Variants in TTC7A observed in about 807,000 individuals in gnomAD.
The protein encoded by TTC7A is tetratricopeptide repeat domain 7A.
Under a neutral mutation model 103.7 loss-of-function variants are expected in TTC7A, and 110 were observed. The observed-to-expected ratio is 1.06, with a 90% confidence interval of 0.91 to 1.24. The LOEUF is 1.24. TTC7A is among the 50% of genes most tolerant of loss of function. The pLI is 0.00. For synonymous variants in TTC7A, 521 were observed against 467.9 expected, an observed-to-expected ratio of 1.11 and a Z score of -1.47; for missense variants, 1,340 against 1,116.3, an observed-to-expected ratio of 1.20 and a Z score of -2.86.
intron 2 of TTC7A, among the ~76,000 whole-genome samples, chr2:46,928,470 A>C (rs1320569128): frequency 1.3e-5 from 2 of 151,070 alleles, no homozygotes; most frequent in South Asian, 2.1e-4. Context: ...AAAAAAAAAA[A>C]AAAAAAAAAA....
chr2:46,958,662 T>C, intron 3 of TTC7A: 1 of 698,040 alleles, frequency 1.4e-6, no homozygotes. Context: ...TCTCTGCCTG[T>C]CCTCCTCCCT....
chr2:46,973,127 G>A (rs1225316650), intron 3 of TTC7A, among the ~76,000 whole-genome samples: 1 of 152,174 alleles, frequency 6.6e-6, no homozygotes, highest in African/African-American at 2.4e-5. Flanking sequence ...AGGGGACAAA[G>A]ACCTTGTTGC....
At position 46,917,979 on chromosome 2, in the gene TTC7A, C is replaced by T. The variant is rs549832913; in HGVS notation, c.82+702C>T. 2.1e-4 allele frequency among the ~76,000 whole-genome samples: 32 copies of T among 152,304 alleles called. 1 individual carries two copies. In the South Asian group the frequency reaches 4.2e-3, roughly 20 times the overall value. ...TGTTCTGAGTCACCTTCTCTATCCACCCTCCCTATGTGAGTTTACCTAGTC... is the reference window on the plus strand; with the variant it reads ...TGTTCTGAGTCACCTTCTCTATCCATCCTCCCTATGTGAGTTTACCTAGTC... On this transcript the variant is annotated intron_variant, in intron 2 of 20. Transcript: ENST00000409245.
chr2:46,932,503 G>A (rs75746466), intron 2 of TTC7A, among the ~76,000 whole-genome samples: 15,051 of 152,086 alleles, frequency 0.099, 822 homozygotes, highest in Middle Eastern at 0.12. Context: ...GCTGTATAAT[G>A]ATTACATCTA....
At chr2:47,014,825 G>T (rs951691573) in intron 11 of TTC7A, among the ~76,000 whole-genome samples, 1 of 152,274 alleles carries the variant, frequency 6.6e-6, no homozygotes, top group African/African-American at 2.4e-5. Flanking sequence ...AACGAGTTGT[G>T]CTGGGTGAAG....
intron 3 of TTC7A, among the ~76,000 whole-genome samples, chr2:46,968,138 A>T (rs1318684461): frequency 6.6e-6 from 1 of 152,228 alleles, no homozygotes; most frequent in Non-Finnish European, 1.5e-5. Context: ...ATTCAGACTG[A>T]AGGAGTTGGG....
intron 19 of TTC7A, among the ~76,000 whole-genome samples, chr2:47,063,521 T>C (rs540228410): frequency 2.0e-5 from 3 of 152,332 alleles, no homozygotes; most frequent in African/African-American, 7.2e-5. Flanking sequence ...AAGGGATTCA[T>C]TGTAAAAATA....
At chr2:46,987,701 C>T (rs1273571807) in intron 5 of TTC7A, among the ~76,000 whole-genome samples, 8 of 152,222 alleles carry the variant, frequency 5.3e-5, no homozygotes, top group Non-Finnish European at 1.0e-4. Flanking sequence ...CATGTGCTCA[C>T]TGCACCAAAA....
At chr2:47,001,520 G>T (rs755077747) in intron 8 of TTC7A, among the ~76,000 whole-genome samples, 2 of 152,190 alleles carry the variant, frequency 1.3e-5, no homozygotes, top group Admixed American at 1.3e-4. Flanking sequence ...CAGGGTTACT[G>T]TGAGGCCAGA....
chr2:47,023,744 G>A (rs1679554404), intron 13 of TTC7A, among the ~76,000 whole-genome samples: 3 of 152,256 alleles, frequency 2.0e-5, no homozygotes, highest in Middle Eastern at 3.4e-3. Flanking sequence ...CATTGCTGTT[G>A]TAGTAATTAC....
rs1336334454 is a variant in TTC7A at position 47,046,430 on chromosome 2, G to A, written c.1918G>A (p.Gly640Arg). 2 of 1,613,412 alleles carry A rather than the reference G, an allele frequency of 1.2e-6. No homozygotes were observed. The highest frequency in any genetic ancestry group is 2.2e-5 in the East Asian group (1 of 44,866). The change falls in exon 16 of 20, where the codon GGA becomes AGA. Residue 640 changes from glycine to arginine, a missense_variant and splice_region_variant. Transcript: ENST00000319190. ...GACCCTGTACAGCTTCTCCCAGCTG[G>A]GGTGAGTGGCCGTCATTGTCTCTTG... ...WQTLYSFSQL[G>R]GLEKDGSFGE...
chr2:46,962,691 C>T (rs1672493450), intron 3 of TTC7A, among the ~76,000 whole-genome samples: 2 of 152,242 alleles, frequency 1.3e-5, no homozygotes, highest in Non-Finnish European at 2.9e-5. Context: ...GTGTCTCGGC[C>T]ATATGGCTGT....
intron 15 of TTC7A, among the ~76,000 whole-genome samples, chr2:47,033,141 C>T (rs1040623108): frequency 6.6e-6 from 1 of 152,216 alleles, no homozygotes; most frequent in African/African-American, 2.4e-5. Flanking sequence ...TGACACTGCT[C>T]CCTGCTTCCT....
chr2:46,974,987 C>T lies in TTC7A; in HGVS notation c.532C>T (p.Arg178Cys), dbSNP rs889143520. ...AFVIKGLSLE[R>C]LPNSIASRFR... ...TCCTCCCGCAGGCCTCTCTCTGGAA[C>T]GCCTACCCAACTCCATCGCCTCCCG... The change falls in exon 4 of 20, where the codon CGC (arginine) becomes TGC (cysteine). Residue 178 changes from arginine to cysteine, a missense_variant. Arg to Cys is a radical substitution (Grantham distance 180). Transcript: ENST00000319190. 30 of 1,613,718 alleles carry T rather than the reference C, an allele frequency of 1.9e-5. No homozygotes were observed. The highest frequency in any genetic ancestry group is 1.7e-4 in the Middle Eastern group (1 of 6,052).
rs571324829 is a variant in TTC7A at position 47,017,865 on chromosome 2, A to G, written c.1393-3997A>G. Among the ~76,000 whole-genome samples the G allele has an allele frequency of 2.0e-5, 3 of 152,346 alleles. No individual in the cohort carries two copies. The East Asian group carries it at 5.8e-4, about 29-fold the overall frequency. On this transcript the variant is annotated intron_variant, in intron 11 of 19. Transcript: ENST00000319190. ...GGACTATACTCAGATGACACTTGCC[A>G]TCAGAGACTTAGGCTGAGATATTTT...
At chr2:47,065,084 G>C (rs755277492) in intron 19 of TTC7A, among the ~76,000 whole-genome samples, 1 of 152,106 alleles carries the variant, frequency 6.6e-6, no homozygotes, top group Non-Finnish European at 1.5e-5. Context: ...TCAGGAGATC[G>C]AGACCATCCT....
Position 47,033,104 on chromosome 2 carries a change from C to T in TTC7A, c.1802+3720C>T, listed in dbSNP as rs1228521388. ...ACTGAGTCCATTACAGGTCAGGGAT[C>T]ACTGAAAAATGTCATTGCTCTTCGA... On this transcript the variant is annotated intron_variant, in intron 15 of 19. Transcript: ENST00000319190. Among the ~76,000 whole-genome samples, 9 of 152,266 alleles carry T rather than the reference C, an allele frequency of 5.9e-5. No individual in the cohort carries two copies. The South Asian group carries it at 1.2e-3, about 21-fold the overall frequency.
chr2:46,975,626 G>A (rs904179310), intron 4 of TTC7A, among the ~76,000 whole-genome samples: 1 of 152,120 alleles, frequency 6.6e-6, no homozygotes, highest in Admixed American at 6.5e-5. Context: ...TCAAGTACAG[G>A]TGGTAGCAGC....
intron 3 of TTC7A, among the ~76,000 whole-genome samples, chr2:46,961,770 C>T (rs1045599630): frequency 5.3e-5 from 8 of 151,838 alleles, no homozygotes; most frequent in Admixed American, 1.3e-4. Flanking sequence ...AAAAAATTAG[C>T]TGGTCATGGT....
Sources: gnomAD v4.1 joint callset for allele counts (sites outside exome capture counted in the v4.1 genomes callset) on GRCh38, gnomAD v4.1.1 for gene constraint, MANE v1.5 for transcripts, NCBI Gene and HGNC (gene_info 2026-07-23, HGNC 2026-07-21) for gene names.